Variants in VPS13B observed in about 807,000 individuals in gnomAD.
The protein encoded by VPS13B is intermembrane lipid transfer protein VPS13B.
VPS13B carries 285 observed loss-of-function variants against 426.4 expected under a neutral mutation model. The ratio of observed to expected loss-of-function variants is 0.67; its 90% CI spans 0.61 to 0.74. The LOEUF (loss-of-function observed/expected upper bound fraction) is 0.74. VPS13B is among the 30% of genes least tolerant of loss of function. VPS13B has a pLI of 0.00. For missense variants in VPS13B, 4,537 were observed against 4,782.6 expected (o/e 0.95, Z 1.51); for synonymous variants, 1,676 against 1,676.4 (o/e 1.00, Z 0.01).
chr8:99,655,165 G>A (rs1392370467), intron 34 of VPS13B, among the ~76,000 whole-genome samples: 1 of 152,156 alleles, frequency 6.6e-6, no homozygotes, highest in Non-Finnish European at 1.5e-5. Flanking sequence ...AAAATGGAAA[G>A]CAGTCTATTT....
intron 19 of VPS13B, among the ~76,000 whole-genome samples, chr8:99,288,481 A>G (rs1819560130): frequency 6.6e-6 from 1 of 152,034 alleles, no homozygotes; most frequent in Non-Finnish European, 1.5e-5. Flanking sequence ...TATAACCTTT[A>G]ATAATGAAAT....
chr8:99,160,608 G>A (rs939754398), intron 15 of VPS13B, among the ~76,000 whole-genome samples: 2 of 139,470 alleles, frequency 1.4e-5, no homozygotes, highest in African/African-American at 2.7e-5. Flanking sequence ...CTGTGATGGC[G>A]CCACTGCACT....
chr8:99,330,016 C>G (rs1009540720), intron 19 of VPS13B, among the ~76,000 whole-genome samples: 1 of 151,786 alleles, frequency 6.6e-6, no homozygotes, highest in Non-Finnish European at 1.5e-5. Context: ...GAAGTCACCC[C>G]TGTTTGAGAG....
At chr8:99,452,436 T>G (rs567720979) in intron 23 of VPS13B, among the ~76,000 whole-genome samples, 1 of 152,234 alleles carries the variant, frequency 6.6e-6, no homozygotes, top group African/African-American at 2.4e-5. Context: ...GAGCCATACC[T>G]CTCTTGCTCG....
chr8:99,669,630 G>A (rs1254474918), intron 35 of VPS13B, among the ~76,000 whole-genome samples: 2 of 152,114 alleles, frequency 1.3e-5, no homozygotes, highest in Non-Finnish European at 2.9e-5. Context: ...TATTTGAAAT[G>A]CATGGCCACT....
chr8:99,621,712 A>G (rs949366668), intron 33 of VPS13B, among the ~76,000 whole-genome samples: 1 of 152,146 alleles, frequency 6.6e-6, no homozygotes, highest in Non-Finnish European at 1.5e-5. Flanking sequence ...GAAAGACTGA[A>G]GAAACCCCAA....
chr8:99,056,029 C>T (rs999108170), intron 3 of VPS13B, among the ~76,000 whole-genome samples: 7 of 151,450 alleles, frequency 4.6e-5, no homozygotes, highest in Admixed American at 3.3e-4. Flanking sequence ...GTATGAGCCA[C>T]CATGCTTAGC....
At chr8:99,196,238 T>C (rs1813915327) in intron 17 of VPS13B, among the ~76,000 whole-genome samples, 1 of 152,120 alleles carries the variant, frequency 6.6e-6, no homozygotes, top group African/African-American at 2.4e-5. Flanking sequence ...CAGTGTTTTA[T>C]ACTTTTTAGT....
intron 4 of VPS13B, among the ~76,000 whole-genome samples, chr8:99,097,190 C>G (rs112713765): frequency 0.019 from 2,901 of 152,264 alleles, 61 homozygotes; most frequent in Non-Finnish European, 0.028. Flanking sequence ...CTCTGCCATA[C>G]AGGTGTTCTT....
intron 43 of VPS13B, among the ~76,000 whole-genome samples, chr8:99,791,846 C>A (rs1812552697): frequency 6.6e-6 from 1 of 151,648 alleles, no homozygotes; most frequent in Admixed American, 6.6e-5. Flanking sequence ...TTTGGCTTTG[C>A]CTTGAGGGCA....
intron 3 of VPS13B, 31 bp from the exon 4 acceptor site, chr8:99,096,281 T>G: frequency 6.2e-7 from 1 of 1,612,642 alleles, no homozygotes; most frequent in Non-Finnish European, 8.5e-7. Context: ...TGATCGATGG[T>G]TTTCTTTTTC....
At chr8:99,524,583 G>A (rs1169631692) in intron 30 of VPS13B, among the ~76,000 whole-genome samples, 2 of 152,098 alleles carry the variant, frequency 1.3e-5, no homozygotes, top group Admixed American at 6.5e-5. Flanking sequence ...GCTTGAGCCC[G>A]GGAGTTCGAG....
intron 37 of VPS13B, among the ~76,000 whole-genome samples, chr8:99,719,397 T>C (rs1359150441): frequency 6.6e-6 from 1 of 152,208 alleles, no homozygotes; most frequent in East Asian, 1.9e-4. Flanking sequence ...AAAAATAAGA[T>C]TGATGAGAAC....
intron 37 of VPS13B, 65 bp downstream of exon 37, chr8:99,717,438 T>A (rs1221295414): frequency 2.1e-6 from 3 of 1,405,562 alleles, no homozygotes; most frequent in Non-Finnish European, 3.0e-6. Flanking sequence ...TTTTTTGAAC[T>A]GTTTCACTAA....
chr8:99,737,882 A>G (rs1833910051), intron 39 of VPS13B, among the ~76,000 whole-genome samples: 1 of 152,228 alleles, frequency 6.6e-6, no homozygotes, highest in Admixed American at 6.5e-5. Flanking sequence ...CTCTTGTATC[A>G]TATCTTAGGC....
chr8:99,453,818 CCT>C (rs1250823483), intron 23 of VPS13B, among the ~76,000 whole-genome samples: 1 of 152,164 alleles, frequency 6.6e-6, no homozygotes, highest in African/African-American at 2.4e-5. Context: ...ACCTGCGCAG[CCT>C]CTCCAATTCA....
At chr8:99,366,608 T>A (rs990599817) in intron 19 of VPS13B, among the ~76,000 whole-genome samples, 1 of 151,906 alleles carries the variant, frequency 6.6e-6, no homozygotes, top group African/African-American at 2.4e-5. Context: ...AGTGTTATTA[T>A]TGATAAGTAA....
In VPS13B at chr8:99,812,296, G is replaced by A. The variant is rs114523362; in HGVS notation, c.8097+2766G>A. Among the ~76,000 whole-genome samples the A allele has an allele frequency of 1.2e-3, 181 of 152,262 alleles. 3 individuals are homozygous for A. The highest frequency in any genetic ancestry group is 3.8e-3 in the African/African-American group (158 of 41,536). ...GTTCTGGTTAAAGTACATCAGAGACGTAGGATTTCCTCAATTGGCAAGGTT... is the reference window on the plus strand; with the variant it reads ...GTTCTGGTTAAAGTACATCAGAGACATAGGATTTCCTCAATTGGCAAGGTT... On this transcript the variant is annotated intron_variant, in intron 44 of 61. Coordinates refer to ENST00000357162, the MANE Select transcript of VPS13B (RefSeq NM_152564.5).
chr8:99,323,081 C>G (rs1810062862), intron 19 of VPS13B, among the ~76,000 whole-genome samples: 1 of 152,170 alleles, frequency 6.6e-6, no homozygotes, highest in African/African-American at 2.4e-5. Flanking sequence ...GTGGGGTAGA[C>G]AGGCTTGGCC....
Sources: allele counts gnomAD v4.1 joint callset (sites outside exome capture counted in the v4.1 genomes callset), GRCh38; gene constraint gnomAD v4.1.1; transcripts MANE v1.5; gene names NCBI Gene and HGNC (gene_info 2026-07-23, HGNC 2026-07-21).